The following AGMAT variants were observed in gnomAD, a reference collection of about 807,000 sequenced individuals.
AGMAT encodes the protein agmatinase (putative).
Under a neutral mutation model 29.3 loss-of-function variants are expected in AGMAT, and 37 were observed. That is an observed-to-expected ratio of 1.26 (90% CI 0.97 to 1.66). AGMAT has a LOEUF of 1.66. AGMAT is among the 40% of genes most tolerant of loss of function. The probability of loss-of-function intolerance (pLI) is 0.00; values close to 1 mark genes in which losing one functional copy is unlikely to be tolerated. For missense variants in AGMAT, 498 were observed against 497.8 expected, an observed-to-expected ratio of 1.00 and a Z score of 0.00; for synonymous variants, 199 against 200.8, an observed-to-expected ratio of 0.99 and a Z score of 0.08.
At chr1:15,579,999 A>C (rs1639089556) in intron 3 of AGMAT, 95 bp downstream of exon 3, 1 of 1,156,548 alleles carries the variant, frequency 8.6e-7, no homozygotes, top group African/African-American at 1.5e-5. Flanking sequence ...AACCTGAGCC[A>C]GCAGCAGTCA....
rs1347925824 is a variant in AGMAT, at chr1:15,584,850, G to A, written c.118C>T (p.Pro40Ser). The A allele has an allele frequency of 4.2e-6, 6 of 1,429,410 alleles. No individual in the cohort carries two copies. The highest frequency in any genetic ancestry group is 6.3e-5 in the Admixed American group (2 of 31,798). 88.5% of individuals were successfully genotyped at this position (1,429,410 alleles called of 1,614,324 possible). ...RRQSRQASDA[P>S]RNQPPSPEFV... ...TCGGGGCTGGGGGGCTGGTTCCGGG[G>A]CGCGTCGGAAGCCTGGCGGCTCTGG... The change falls in exon 1 of 7, where the codon CCC (proline) becomes TCC (serine). Residue 40 changes from proline to serine, a missense_variant. Physicochemically the swap from Pro to Ser is moderately conservative, Grantham distance 74. Transcript: ENST00000375826.
chr1:15,579,044 C>T lies in AGMAT; in HGVS notation c.535G>A (p.Val179Met). 3 of 1,613,882 alleles carry T rather than the reference C, an allele frequency of 1.9e-6. No homozygotes were observed. The African/African-American group carries it at 4.0e-5, about 22-fold the overall frequency. ...TGCGCATCCACGTGCAGCAGCCCCA[C>T]TGGGCCATGCCTGATGACAACAGGG... ...LQAMAKKHGP[V>M]GLLHVDAHTD... is the part of the protein sequence containing the mutation. The change falls in exon 4 of 7, where the codon GTG (valine) becomes ATG (methionine). Residue 179 changes from valine (V) to methionine (M), a missense_variant. By Grantham distance (21) the Val-to-Met change is conservative. Coordinates refer to ENST00000375826, the MANE Select transcript of AGMAT (RefSeq NM_024758.5).
Position 15,578,963 on chromosome 1 carries a change from G to T in AGMAT, c.616C>A (p.Arg206Ser). The change falls in exon 4 of 7, where the codon CGC (arginine) becomes AGC (serine). Residue 206 changes from arginine to serine, a missense_variant. By Grantham distance (110) the Arg-to-Ser change is moderately radical (BLOSUM62 -1). Coordinates refer to ENST00000375826, the MANE Select transcript of AGMAT (RefSeq NM_024758.5). ...AGGAGACCCTCATCCACACACCGGC[G>T]GAAGGGCGCCCCGTGGTAGAGCTTC... ...GEKLYHGAPF[R>S]RCVDEGLLDC... is the part of the protein sequence containing the mutation. 2 of 1,614,102 alleles carry T rather than the reference G, an allele frequency of 1.2e-6. No individual in the cohort carries two copies. The highest frequency in any genetic ancestry group is 1.1e-5 in the South Asian group (1 of 91,082).
intron 2 of AGMAT, among the ~76,000 whole-genome samples, chr1:15,582,928 G>A (rs1427433847): frequency 1.3e-5 from 2 of 152,208 alleles, no homozygotes; most frequent in African/African-American, 4.8e-5. Flanking sequence ...AACCCAGGAA[G>A]TGGAGGTTGC....
rs1638992791 is a variant in AGMAT at position 15,573,720 on chromosome 1, G to A, written c.990C>T (p.Asn330=). The A allele has an allele frequency of 6.2e-7, 1 of 1,614,100 alleles. No homozygotes were observed. The highest frequency in any genetic ancestry group is 8.5e-7 in the Non-Finnish European group (1 of 1,179,982). The change falls in exon 7 of 7, where the codon AAC becomes AAT. Residue 330 remains asparagine, a synonymous_variant. Transcript: ENST00000375826. ...GCAGGTTAGCCGCCAGCAGGGCTGT[G>A]TTCCCTAAGAAAAAGTAAAACCTCA... ...EVSPPYDLSG[N]TALLAANLLF...
intron 5 of AGMAT, among the ~76,000 whole-genome samples, chr1:15,576,767 T>TTTTTTTTTTTTTTTTTTTG (rs1639045791): frequency 9.6e-6 from 1 of 104,526 alleles, no homozygotes; most frequent in Non-Finnish European, 1.9e-5. Context: ...TTTTTTTTTT[T>TTTTTTTTTTTTTTTTTTTG]GAGATGGAGT....
chr1:15,583,486 G>T, intron 1 of AGMAT, 91 bp from the exon 2 acceptor site: 1 of 1,241,376 alleles, frequency 8.1e-7, no homozygotes, highest in South Asian at 1.3e-5. Flanking sequence ...GCAATTTGGG[G>T]CCAGATGATT....
chr1:15,582,041 G>C (rs1335684227), intron 2 of AGMAT, among the ~76,000 whole-genome samples: 41 of 152,008 alleles, frequency 2.7e-4, no homozygotes, highest in Non-Finnish European at 1.5e-5. Flanking sequence ...GGCCGAGGTG[G>C]GCAGATCACC....
intron 2 of AGMAT, 43 bp from the exon 3 acceptor site, chr1:15,580,185 G>T: frequency 4.4e-6 from 5 of 1,134,582 alleles, no homozygotes; most frequent in Non-Finnish European, 6.6e-6. Context: ...TGAATTGGAG[G>T]ATTACATAGA....
At position 15,580,545 on chromosome 1, in the gene AGMAT, G is replaced by A. The variant is rs375317381; in HGVS notation, c.476-403C>T. Reference sequence around the variant, plus strand: ...AATTTTCACCCTTTCAGCCTGGGGGGAGTTATAACCACAGCTACAGTAAGA... The same window carrying A: ...AATTTTCACCCTTTCAGCCTGGGGGAAGTTATAACCACAGCTACAGTAAGA... On this transcript the variant is annotated intron_variant, in intron 2 of 6. Transcript: ENST00000375826. Among the ~76,000 whole-genome samples, 31 of 152,128 alleles carry A rather than the reference G, an allele frequency of 2.0e-4. No individual in the cohort carries two copies. In the East Asian group the frequency reaches 4.6e-3, roughly 23 times the overall value.
In AGMAT at chr1:15,578,906, G is replaced by A. The variant is rs199608628; in HGVS notation, c.673C>T (p.Arg225Trp). The change falls in exon 4 of 7, where the codon CGG becomes TGG. Residue 225 changes from arginine (R) to tryptophan (W), a missense_variant. Arg to Trp is a moderately radical substitution (Grantham distance 101). Coordinates refer to ENST00000375826, the MANE Select transcript of AGMAT (RefSeq NM_024758.5). The stretch of plus-strand genomic sequence containing the variant: ...GGATCCAAGGTCGTGGAAGAGCCCC[G>A]GATGCCAATCTGCACCACACGCTTA... Reference protein sequence around the residue: ...DCKRVVQIGIRGSSTTLDPYR... With the variant: ...DCKRVVQIGIWGSSTTLDPYR... The A allele has an allele frequency of 6.8e-6, 11 of 1,614,098 alleles. No individual in the cohort carries two copies. The highest frequency in any genetic ancestry group is 3.3e-5 in the Admixed American group (2 of 60,016).
intron 2 of AGMAT, 59 bp from the exon 3 acceptor site, chr1:15,580,201 C>G (rs201442043): frequency 5.3e-6 from 3 of 567,924 alleles, no homozygotes; most frequent in Non-Finnish European, 8.3e-6. Flanking sequence ...ATAGAATAAT[C>G]TTTTTTTTTT....
At chr1:15,579,394 A>G (rs776133143) in intron 3 of AGMAT, among the ~76,000 whole-genome samples, 9 of 152,198 alleles carry the variant, frequency 5.9e-5, no homozygotes, top group Non-Finnish European at 1.3e-4. Flanking sequence ...CCTTTCTCCA[A>G]CCGAGGAAGA....
rs924385128 is a variant in AGMAT, at chr1:15,577,590, T to A, written c.900+95A>T. ...TCCGTCTCAAACAAACAAACAAAAA[T>A]CCTATCCTGATTCCTAAAGATTCGC... On this transcript the variant is annotated intron_variant, in intron 5 of 6. Coordinates refer to ENST00000375826, the MANE Select transcript of AGMAT (RefSeq NM_024758.5). The A allele has an allele frequency of 3.0e-6, 4 of 1,333,774 alleles. No homozygotes were observed. The South Asian group carries it at 5.6e-5, about 19-fold the overall frequency. 82.6% of individuals were successfully genotyped at this position (1,333,774 alleles called of 1,614,324 possible).
rs1244129766 is a variant in AGMAT, at chr1:15,573,535, C to T, written c.*116G>A. 2.2e-6 allele frequency: 2 copies of T among 910,508 alleles called. No homozygotes were observed. The highest frequency in any genetic ancestry group is 5.1e-5 in the East Asian group (2 of 39,098). 56.4% of individuals were successfully genotyped at this position (910,508 alleles called of 1,614,324 possible). A position where few individuals can be genotyped will look rare whatever the true frequency, so the allele number is the denominator to read the frequency against. On this transcript the variant is annotated 3_prime_UTR_variant, in exon 7 of 7. Transcript: ENST00000375826. ...CCCGACTTCACAGCCAGCAATGACA[C>T]TTTCAGCAGAAAGTTTTCTTGGCAT... is the stretch of plus-strand genomic sequence containing the variant.
intron 6 of AGMAT, 139 bp from the exon 7 acceptor site, chr1:15,573,863 G>T: frequency 4.7e-6 from 3 of 641,904 alleles, no homozygotes; most frequent in Non-Finnish European, 8.3e-6. Flanking sequence ...GTGCCCGCCA[G>T]CTGTGAACAC....
At chr1:15,576,767 T>TTTTTTTTTTTTTTC (rs1639045791) in intron 5 of AGMAT, among the ~76,000 whole-genome samples, 1 of 104,526 alleles carries the variant, frequency 9.6e-6, no homozygotes, top group African/African-American at 4.3e-5. Context: ...TTTTTTTTTT[T>TTTTTTTTTTTTTTC]GAGATGGAGT....
intron 5 of AGMAT, 59 bp from the exon 6 acceptor site, chr1:15,574,900 C>T (rs1002299569): frequency 2.9e-6 from 4 of 1,392,134 alleles, no homozygotes; most frequent in Non-Finnish European, 3.1e-6. Flanking sequence ...GAAAAGCACC[C>T]AGTAGAGCTT....
At chr1:15,580,039 T>A (rs1467865459) in intron 3 of AGMAT, 55 bp downstream of exon 3, 1 of 1,540,800 alleles carries the variant, frequency 6.5e-7, no homozygotes, top group East Asian at 2.2e-5. Flanking sequence ...AAATAACTCA[T>A]TCCCTAGCTT....
Sources: gnomAD v4.1 joint callset for allele counts (sites outside exome capture counted in the v4.1 genomes callset) on GRCh38, gnomAD v4.1.1 for gene constraint, MANE v1.5 for transcripts, NCBI Gene and HGNC (gene_info 2026-07-23, HGNC 2026-07-21) for gene names.